Variants in MROH7 observed in about 807,000 individuals in gnomAD.
The protein encoded by MROH7 is maestro heat-like repeat-containing protein family member 7.
In MROH7, 113 loss-of-function variants were observed where a neutral mutation model predicts 129.2. The ratio of observed to expected loss-of-function variants is 0.87; its 90% CI spans 0.75 to 1.02. MROH7 has a LOEUF of 1.02. MROH7 is among the 50% of genes least tolerant of loss of function. The pLI, the probability that MROH7 is intolerant of heterozygous loss-of-function variation, is 0.00. For missense variants in MROH7, 1,601 were observed against 1,671.3 expected (o/e 0.96, Z 0.73); for synonymous variants, 655 against 667.9 (o/e 0.98, Z 0.30).
intron 17 of MROH7, 55 bp downstream of exon 17, chr1:54,695,545 C>T (rs1367531340): frequency 7.4e-6 from 8 of 1,075,610 alleles, no homozygotes; most frequent in Admixed American, 1.9e-5. Context: ...CCTCGGTTCA[C>T]GTCACTGGTC....
chr1:54,650,462 T>G (rs1644536899), intron 1 of MROH7, among the ~76,000 whole-genome samples: 1 of 152,166 alleles, frequency 6.6e-6, no homozygotes, highest in African/African-American at 2.4e-5. Context: ...CCTCATCAAA[T>G]GAAGAAGAGT....
chr1:54,680,922 C>G (rs570481191), intron 13 of MROH7, among the ~76,000 whole-genome samples: 4 of 152,124 alleles, frequency 2.6e-5, no homozygotes, highest in Admixed American at 1.3e-4. Flanking sequence ...AGAATTAAAC[C>G]CTTTCTGGCT....
chr1:54,697,926 C>T, intron 17 of MROH7: 1 of 437,446 alleles, frequency 2.3e-6, no homozygotes, highest in Non-Finnish European at 4.1e-6. Context: ...TAACTTCTCC[C>T]CACCATTCCC....
Position 54,701,231 on chromosome 1 carries a change from T to TC in MROH7, c.3195dup (p.Lys1066GlnfsTer105), listed in dbSNP as rs771559076. On this transcript the variant is annotated frameshift_variant, in exon 19 of 24. Transcript: ENST00000421030. LOFTEE classifies it high-confidence loss of function. ...CTGGTGGTGGAAGCGGTCCACAACC[T>TC]CAAGGCTGTCTTCAAGGGGCGGGAC... 6.8e-6 allele frequency: 11 copies of TC among 1,614,174 alleles called. No individual in the cohort carries two copies. In the South Asian group the frequency reaches 1.2e-4, roughly 18 times the overall value.
At chr1:54,661,276 A>G (rs1050049670) in intron 3 of MROH7, among the ~76,000 whole-genome samples, 5 of 152,140 alleles carry the variant, frequency 3.3e-5, no homozygotes, top group Non-Finnish European at 7.4e-5. Context: ...GCAGTGGCAC[A>G]ATCATAGCTC....
At chr1:54,679,205 G>A (rs370648196) in intron 11 of MROH7, 58 bp from the exon 12 acceptor site, 227 of 1,582,788 alleles carry the variant, frequency 1.4e-4, no homozygotes, top group Middle Eastern at 6.7e-4. Context: ...CACAAAGCTC[G>A]AAGCTCAAAG....
At chr1:54,657,569 A>C (rs2101076628) in intron 3 of MROH7, among the ~76,000 whole-genome samples, 1 of 151,744 alleles carries the variant, frequency 6.6e-6, no homozygotes, top group East Asian at 1.9e-4. Context: ...TAGAGAAGAG[A>C]CCTCGCTATG....
intron 20 of MROH7, 122 bp downstream of exon 20, chr1:54,702,367 T>G: frequency 1.0e-6 from 1 of 956,682 alleles, no homozygotes; most frequent in Non-Finnish European, 1.4e-6. Context: ...TGTCCAGCCA[T>G]GTCTGTTTTC....
chr1:54,701,167 C>T lies in MROH7; in HGVS notation c.3130C>T (p.Pro1044Ser), dbSNP rs1433042864. The T allele has an allele frequency of 6.2e-7, 1 of 1,613,978 alleles. No homozygotes were observed. The highest frequency in any genetic ancestry group is 8.5e-7 in the Non-Finnish European group (1 of 1,180,016). The change falls in exon 19 of 24, where the codon CCC becomes TCC. Residue 1044 changes from proline (P) to serine (S), a missense_variant. Transcript: ENST00000421030. ...EKTAKVKALL[P>S]SMVKGLKNMD... ...GACCGCCAAGGTGAAGGCCCTCCTGCCCTCCATGGTGAAGGGCCTGAAGAA... is the reference window on the plus strand; with the variant it reads ...GACCGCCAAGGTGAAGGCCCTCCTGTCCTCCATGGTGAAGGGCCTGAAGAA...
intron 11 of MROH7, 52 bp from the exon 12 acceptor site, chr1:54,679,211 C>G: frequency 1.9e-6 from 3 of 1,596,974 alleles, no homozygotes; most frequent in Admixed American, 1.7e-5. Context: ...GCTCGAAGCT[C>G]AAAGCTCGGG....
In MROH7 at chr1:54,690,701, C is replaced by T. The variant is rs1645223050; in HGVS notation, c.2712-1723C>T. 2.0e-5 allele frequency among the ~76,000 whole-genome samples: 3 copies of T among 152,150 alleles called. No individual in the cohort carries two copies. In the South Asian group the frequency reaches 6.2e-4, roughly 32 times the overall value. On this transcript the variant is annotated intron_variant, in intron 15 of 23. Coordinates refer to ENST00000421030, the MANE Select transcript of MROH7 (RefSeq NM_001039464.4). ...CTCGTGATCCACCCTCCTCGGCCAC[C>T]CAAAGTGCTGGGATTACAGGCGTGA...
chr1:54,692,494 G>T lies in MROH7; in HGVS notation c.2782G>T (p.Asp928Tyr), dbSNP rs758808395. 1.2e-6 allele frequency: 2 copies of T among 1,613,930 alleles called. No homozygotes were observed. Among genetic ancestry groups the T allele is most frequent in the Non-Finnish European group, 8.5e-7 (1 of 1,180,014 alleles). Residue 928 changes from aspartate to tyrosine, a missense_variant, in exon 16 of 24, where the codon GAC (aspartate) becomes TAC (tyrosine). Coordinates refer to ENST00000421030, the MANE Select transcript of MROH7 (RefSeq NM_001039464.4). Reference protein sequence around the residue: ...GCSYETTFLEDQGGWELMEQV... With the variant: ...GCSYETTFLEYQGGWELMEQV... ...CTCTTATGAGACCACGTTTCTGGAG[G>T]ACCAGGGTGGCTGGGAGCTCATGGA...
At chr1:54,694,128 C>T (rs545976923) in intron 16 of MROH7, among the ~76,000 whole-genome samples, 31 of 152,268 alleles carry the variant, frequency 2.0e-4, no homozygotes, top group African/African-American at 6.7e-4. Context: ...GTGATCTGCC[C>T]GCCTTGGCCT....
At chr1:54,676,513 G>C (rs558044823) in intron 10 of MROH7, among the ~76,000 whole-genome samples, 2 of 152,058 alleles carry the variant, frequency 1.3e-5, no homozygotes, top group African/African-American at 4.8e-5. Flanking sequence ...AGGTTCAAGC[G>C]ATTCTCCTGC....
chr1:54,680,284 A>G (rs995571320), intron 13 of MROH7, among the ~76,000 whole-genome samples: 2 of 152,180 alleles, frequency 1.3e-5, no homozygotes, highest in African/African-American at 4.8e-5. Flanking sequence ...TGAGGAAACC[A>G]AGGCTTAGGG....
rs1644943656 is a variant in MROH7 at position 54,674,004 on chromosome 1, C to A, written c.1801-12C>A. ...CTATAACACTCAATCCCTAAGATTG[C>A]AATACAAACAGATGCCCTTGGGGTT... On this transcript the variant is annotated splice_polypyrimidine_tract_variant and intron_variant, in intron 9 of 23. Coordinates refer to ENST00000421030, the MANE Select transcript of MROH7 (RefSeq NM_001039464.4). 2.5e-6 allele frequency: 4 copies of A among 1,613,050 alleles called. No individual in the cohort carries two copies. The highest frequency in any genetic ancestry group is 2.7e-5 in the African/African-American group (2 of 75,022).
At chr1:54,665,289 C>A in intron 4 of MROH7, 49 bp downstream of exon 4, 2 of 1,477,978 alleles carry the variant, frequency 1.4e-6, no homozygotes, top group Non-Finnish European at 1.9e-6. Context: ...ATACTTCCAT[C>A]CTGCCAACCC....
At chr1:54,709,783 T>C (rs530742964) in intron 23 of MROH7, among the ~76,000 whole-genome samples, 163 bp from the exon 24 acceptor site, 1 of 151,966 alleles carries the variant, frequency 6.6e-6, no homozygotes, top group African/African-American at 2.4e-5. Flanking sequence ...TGATTCAGGC[T>C]CTGAAAAATG....
intron 22 of MROH7, among the ~76,000 whole-genome samples, chr1:54,707,754 G>A (rs11206417): frequency 0.25 from 37,239 of 151,912 alleles, 4,713 homozygotes; most frequent in South Asian, 0.33. Flanking sequence ...AGCTCCCAGA[G>A]CAGTGCAATG....
Sources: allele counts gnomAD v4.1 joint callset (sites outside exome capture counted in the v4.1 genomes callset), GRCh38; gene constraint gnomAD v4.1.1; transcripts MANE v1.5; gene names NCBI Gene and HGNC (gene_info 2026-07-23, HGNC 2026-07-21).